The following TCF20 variants were observed in gnomAD, a reference collection of about 807,000 sequenced individuals.
TCF20 encodes the protein SPRE-binding protein.
A neutral mutation model predicts 148.6 loss-of-function variants in TCF20; 3 were observed. The observed-to-expected ratio is 0.02, with a 90% CI of 0.01 to 0.05. TCF20 has a LOEUF of 0.05. Among genes scored for constraint, TCF20 ranks in the 10% least tolerant of loss-of-function variants. The pLI, the probability that TCF20 is intolerant of heterozygous loss-of-function variation, is 1.00. For synonymous variants in TCF20, 1,049 were observed against 909.5 expected, an observed-to-expected ratio of 1.15 and a Z score of -2.76; for missense variants, 2,350 against 2,429.3, an observed-to-expected ratio of 0.97 and a Z score of 0.69.
At chr22:42,316,555 A>T (rs1239160537) in intron 1 of TCF20, among the ~76,000 whole-genome samples, 2 of 152,168 alleles carry the variant, frequency 1.3e-5, no homozygotes, top group African/African-American at 4.8e-5. Context: ...CGCCTGTCTC[A>T]GCCTCCTGAG....
At chr22:42,186,724 A>G (rs1937064510) in intron 2 of TCF20, among the ~76,000 whole-genome samples, 1 of 152,138 alleles carries the variant, frequency 6.6e-6, no homozygotes. Flanking sequence ...CTTAGCTACT[A>G]TTTACTATTA....
In TCF20 at chr22:42,306,300, G is replaced by A. The variant is rs574837896; in HGVS notation, c.-37+37179C>T. On this transcript the variant is annotated intron_variant, in intron 1 of 1. Transcript: ENST00000515426. ...TGCAATTCTCCTTCCAAGGAAAGTG[G>A]CGCGAGGGCTGATGAGGGCTGCAGC... Among the ~76,000 whole-genome samples, 7 of 152,252 alleles carry A rather than the reference G, an allele frequency of 4.6e-5. No homozygotes were observed. In the South Asian group the frequency reaches 8.3e-4, roughly 18 times the overall value.
intron 1 of TCF20, among the ~76,000 whole-genome samples, chr22:42,249,622 G>C (rs1291674568): frequency 6.6e-6 from 1 of 152,206 alleles, no homozygotes; most frequent in Non-Finnish European, 1.5e-5. Flanking sequence ...CTTTCAAATA[G>C]ACAGTATATA....
At chr22:42,195,053 G>A (rs1937521709) in intron 2 of TCF20, among the ~76,000 whole-genome samples, 1 of 150,734 alleles carries the variant, frequency 6.6e-6, no homozygotes, top group Non-Finnish European at 1.5e-5. Context: ...TCAATGTCTA[G>A]GAGGCATCTC....
At chr22:42,190,603 T>A (rs534002607) in intron 2 of TCF20, among the ~76,000 whole-genome samples, 1 of 152,364 alleles carries the variant, frequency 6.6e-6, no homozygotes, top group African/African-American at 2.4e-5. Context: ...TGCAAGGCTA[T>A]GGGCAGCAGC....
intron 3 of TCF20, among the ~76,000 whole-genome samples, chr22:42,171,257 T>C (rs534789631): frequency 2.0e-5 from 3 of 152,240 alleles, no homozygotes; most frequent in African/African-American, 7.2e-5. Context: ...TTAATAAATA[T>C]TGATAACACA....
At chr22:42,341,059 C>T (rs866718342) in intron 1 of TCF20, among the ~76,000 whole-genome samples, 2 of 152,164 alleles carry the variant, frequency 1.3e-5, no homozygotes, top group Admixed American at 6.5e-5. Flanking sequence ...TCAAAGCGCG[C>T]GCCGGCTGCC....
intron 3 of TCF20, among the ~76,000 whole-genome samples, chr22:42,176,017 A>C (rs528319837): frequency 6.6e-6 from 1 of 151,782 alleles, no homozygotes; most frequent in East Asian, 2.0e-4. Flanking sequence ...GCTGGTCTCG[A>C]ACTCCTGGGC....
Position 42,209,709 on chromosome 22 carries a change from T to C in TCF20, c.5597A>G (p.Tyr1866Cys). Residue 1866 changes from tyrosine to cysteine, a missense_variant, in exon 2 of 6, where the codon TAC becomes TGC. Tyr to Cys is a radical substitution (Grantham distance 194). Transcript: ENST00000677622. ...GCCATAGAGCCTGCCACAAACCAGGTAGATTCCATTGGCCCAGAGAATACA... is the reference window on the plus strand; with the variant it reads ...GCCATAGAGCCTGCCACAAACCAGGCAGATTCCATTGGCCCAGAGAATACA... Reference protein sequence around the residue: ...EGCILWANGIYLVCGRLYGLQ... With the variant: ...EGCILWANGICLVCGRLYGLQ... The C allele has an allele frequency of 6.2e-7, 1 of 1,614,168 alleles. No homozygotes were observed. Among genetic ancestry groups the C allele is most frequent in the Non-Finnish European group, 8.5e-7 (1 of 1,180,016 alleles).
chr22:42,228,576 A>G (rs927800912), intron 1 of TCF20, among the ~76,000 whole-genome samples: 2 of 152,208 alleles, frequency 1.3e-5, no homozygotes, highest in African/African-American at 4.8e-5. Flanking sequence ...TCCCTTACAG[A>G]ACAACTGCAA....
intron 1 of TCF20, among the ~76,000 whole-genome samples, chr22:42,230,118 T>A (rs1471346036): frequency 6.6e-6 from 1 of 152,220 alleles, no homozygotes; most frequent in Non-Finnish European, 1.5e-5. Flanking sequence ...GTCTTCCAGG[T>A]GTACCACACA....
Position 42,181,615 on chromosome 22 carries a change from T to A in TCF20, c.5656-1913A>T, listed in dbSNP as rs865873312. ...CCCCCAACCTTTTTTTTTTTTTTTT[T>A]AATATATTTTGAGACGATGTCTTGC... On this transcript the variant is annotated intron_variant, in intron 2 of 5. Coordinates refer to ENST00000677622, the MANE Select transcript of TCF20 (RefSeq NM_001378418.1). 1.5e-3 allele frequency among the ~76,000 whole-genome samples: 228 copies of A among 149,310 alleles called. 1 individual carries two copies. Among genetic ancestry groups the A allele is most frequent in the African/African-American group, 3.8e-3 (153 of 40,438 alleles).
chr22:42,163,071 G>A (rs149178521), intron 5 of TCF20, among the ~76,000 whole-genome samples: 167 of 152,256 alleles, frequency 1.1e-3, no homozygotes, highest in African/African-American at 3.8e-3. Context: ...ATGCCCACAC[G>A]TACCCTGCCA....
intron 5 of TCF20, among the ~76,000 whole-genome samples, chr22:42,164,717 G>T (rs976307166): frequency 6.6e-6 from 1 of 152,196 alleles, no homozygotes; most frequent in Non-Finnish European, 1.5e-5. Context: ...CTGCAAGCGA[G>T]GAGGGGGGCA....
At chr22:42,249,259 C>G (rs1445511099) in intron 1 of TCF20, among the ~76,000 whole-genome samples, 2 of 152,204 alleles carry the variant, frequency 1.3e-5, no homozygotes, top group Non-Finnish European at 2.9e-5. Context: ...AGGTATGCTA[C>G]TGGCATCCCA....
rs1927645348 is a variant in TCF20 at position 42,317,056 on chromosome 22, ACT to A, written c.-37+26421_-37+26422del. 6.6e-6 allele frequency among the ~76,000 whole-genome samples: 1 copy of A among 151,348 alleles called. No homozygotes were observed. The highest frequency in any genetic ancestry group is 1.5e-5 in the Non-Finnish European group (1 of 67,832). On this transcript the variant is annotated intron_variant, in intron 1 of 1. Coordinates refer to the TCF20 transcript ENST00000515426. This position sits in a 1 kb window ranked among gnomAD's most constrained non-coding sequence, Gnocchi z 4.2. The stretch of plus-strand genomic sequence containing the variant: ...TCTTCAATGGTCCCATGTCCTCAAC[ACT>A]CTTCCCAGACACCCCAAATCCCCCA...
At chr22:42,273,080 G>A (rs1256222767), upstream of TCF20, among the ~76,000 whole-genome samples, 1 of 152,050 alleles carries the variant, frequency 6.6e-6, no homozygotes, top group African/African-American at 2.4e-5. Flanking sequence ...AGCTGCATAG[G>A]CCAGGCACAG....
intron 2 of TCF20, among the ~76,000 whole-genome samples, chr22:42,198,086 G>T (rs1267783487): frequency 6.6e-6 from 1 of 152,062 alleles, no homozygotes; most frequent in Non-Finnish European, 1.5e-5. Flanking sequence ...AAATTAACTG[G>T]AAACCACCTC....
chr22:42,302,212 G>A (rs954445457), intron 1 of TCF20, among the ~76,000 whole-genome samples: 3 of 152,196 alleles, frequency 2.0e-5, no homozygotes, highest in Non-Finnish European at 4.4e-5. Context: ...TCCAGATGGG[G>A]AAACTGAGAC....
Sources: allele counts gnomAD v4.1 joint callset (sites outside exome capture counted in the v4.1 genomes callset), GRCh38; gene constraint gnomAD v4.1.1; non-coding constraint Gnocchi (gnomAD v3.1); transcripts MANE v1.5; gene names NCBI Gene and HGNC (gene_info 2026-07-23, HGNC 2026-07-21).